The following CFAP99 variants were observed in gnomAD, a reference collection of about 807,000 sequenced individuals.
CFAP99 encodes cilia- and flagella-associated protein 99.
CFAP99 carries 84 observed loss-of-function variants against 82.7 expected under a neutral mutation model. That is an observed-to-expected ratio of 1.02 (90% CI 0.85 to 1.22). The LOEUF (loss-of-function observed/expected upper bound fraction) is 1.22, where lower values mean the gene tolerates loss of function less well. Among genes scored for constraint, CFAP99 ranks in the 50% most tolerant of loss-of-function variants. CFAP99 has a pLI of 0.00. For synonymous variants in CFAP99, 456 were observed against 429.5 expected (o/e 1.06, Z -0.76); for missense variants, 1,059 against 983.5 (o/e 1.08, Z -1.03).
chr4:2,443,175 A>C (rs773157865), exon 5 of CFAP99: 15 of 1,535,752 alleles, frequency 9.8e-6, no homozygotes, highest in Middle Eastern at 1.7e-4. Context: ...CTCATGGATC[A>C]AGGATGAGTG....
At chr4:2,431,692 G>C (rs1733805166) in intron 2 of CFAP99, among the ~76,000 whole-genome samples, 1 of 151,984 alleles carries the variant, frequency 6.6e-6, no homozygotes, top group South Asian at 2.1e-4. Flanking sequence ...CTCATGTGCG[G>C]GCAAAAATTA....
At chr4:2,426,356 C>G in intron 1 of CFAP99, 103 bp from the exon 2 acceptor site, 1 of 724,490 alleles carries the variant, frequency 1.4e-6, no homozygotes, top group Non-Finnish European at 2.4e-6. Flanking sequence ...GGTCTTCCTG[C>G]TGCTACAGGC....
rs1433793232 is a variant in CFAP99 at position 2,446,145 on chromosome 4, C to A, written c.642+837C>A. On this transcript the variant is annotated intron_variant, in intron 6 of 14. Coordinates refer to ENST00000635017, the Ensembl canonical transcript of CFAP99. This position sits in a 1 kb window ranked among gnomAD's most constrained non-coding sequence, Gnocchi z 5.0. ...GCCCCACTCCCACCATCCTTCAGGTCTCATTAAAATCCCTCTTCCCAGAGA... is the reference window on the plus strand; with the variant it reads ...GCCCCACTCCCACCATCCTTCAGGTATCATTAAAATCCCTCTTCCCAGAGA... 1.3e-5 allele frequency among the ~76,000 whole-genome samples: 2 copies of A among 152,196 alleles called. No individual in the cohort carries two copies. The highest frequency in any genetic ancestry group is 2.4e-5 in the African/African-American group (1 of 41,454).
chr4:2,450,131 C>T (rs947368513), intron 8 of CFAP99, 126 bp downstream of exon 8: 8 of 968,846 alleles, frequency 8.3e-6, no homozygotes, highest in Non-Finnish European at 1.2e-5. Context: ...CGGGGAGGGG[C>T]GGATTCCCAG....
At chr4:2,451,274 T>A (rs1734294120) in exon 10 of CFAP99, 2 of 1,535,964 alleles carry the variant, frequency 1.3e-6, no homozygotes, top group Non-Finnish European at 1.7e-6. Flanking sequence ...CCTGACAACA[T>A]CCTGGTCAAG....
exon 10 of CFAP99, chr4:2,451,318 T>C (rs1172487242): frequency 1.4e-5 from 22 of 1,535,952 alleles, no homozygotes; most frequent in Middle Eastern, 1.7e-4. Flanking sequence ...AGAAGGGGCC[T>C]TGTACCAGCG....
intron 11 of CFAP99, among the ~76,000 whole-genome samples, chr4:2,453,571 G>A (rs1734351189): frequency 6.6e-6 from 1 of 152,104 alleles, no homozygotes; most frequent in Non-Finnish European, 1.5e-5. Context: ...AATTTCATGG[G>A]TCAGAAATAG....
At chr4:2,429,936 T>G (rs1373561476) in intron 2 of CFAP99, among the ~76,000 whole-genome samples, 1 of 150,424 alleles carries the variant, frequency 6.6e-6, no homozygotes, top group Non-Finnish European at 1.5e-5. Flanking sequence ...AGAGGAATGG[T>G]GCATTGGATC....
At chr4:2,424,439 G>C (rs368337772) in intron 1 of CFAP99, among the ~76,000 whole-genome samples, 23 of 152,148 alleles carry the variant, frequency 1.5e-4, no homozygotes, top group African/African-American at 5.3e-4. Flanking sequence ...GGCAACAAGA[G>C]CAAAACTCCA....
rs1219406291 is a variant in CFAP99 at position 2,449,751 on chromosome 4, G to A, written c.723+1G>A. 8 of 1,536,116 alleles carry A rather than the reference G, an allele frequency of 5.2e-6. No homozygotes were observed. Among genetic ancestry groups the A allele is most frequent in the Non-Finnish European group, 7.0e-6 (8 of 1,146,930 alleles). ...GAGGTACAACCGCCGAAAGGCCGAG[G>A]TGAGCTGTGTGCGACCCCTGCCTTC... On this transcript the variant is annotated splice_donor_variant, in intron 7 of 14. Transcript: ENST00000635017. LOFTEE classifies it high-confidence loss of function.
intron 14 of CFAP99, among the ~76,000 whole-genome samples, chr4:2,460,586 T>TA (rs1251234567): frequency 1.3e-5 from 2 of 152,326 alleles, no homozygotes; most frequent in Non-Finnish European, 1.5e-5. Context: ...TCAGACACTT[T>TA]AAACACTTCA....
At chr4:2,459,436 A>C (rs542961985) in intron 13 of CFAP99, among the ~76,000 whole-genome samples, 178 bp downstream of exon 13, 10 of 152,320 alleles carry the variant, frequency 6.6e-5, no homozygotes, top group African/African-American at 2.2e-4. Context: ...TCTGGCCCTA[A>C]GAGTTCACAA....
chr4:2,454,445 T>C (rs1252271253), intron 11 of CFAP99, among the ~76,000 whole-genome samples: 1 of 151,958 alleles, frequency 6.6e-6, no homozygotes, highest in Non-Finnish European at 1.5e-5. Context: ...CCTAACATGA[T>C]CTTTTGGAAT....
intron 2 of CFAP99, among the ~76,000 whole-genome samples, chr4:2,431,054 A>G (rs1377011233): frequency 1.3e-5 from 2 of 151,756 alleles, no homozygotes; most frequent in African/African-American, 4.8e-5. Flanking sequence ...CCTGGGCAAC[A>G]GAGTAAGATC....
exon 6 of CFAP99, chr4:2,445,222 G>A: frequency 6.8e-7 from 1 of 1,464,154 alleles, no homozygotes; most frequent in Admixed American, 2.4e-5. Flanking sequence ...CAAGGTCACA[G>A]AGCCCAAGGA....
Position 2,436,932 on chromosome 4 carries a change from AC to A in CFAP99, c.172del (p.Arg58GlyfsTer4). ...GAGGTTCTGTCTGGGTGCCTCGAGT[AC>A]CGGAAGCTGCTGACCGTCGTGGTGG... is the stretch of plus-strand genomic sequence containing the variant. On this transcript the variant is annotated frameshift_variant, in exon 3 of 15. Coordinates refer to ENST00000635017, the Ensembl canonical transcript of CFAP99. LOFTEE classifies it high-confidence loss of function. The A allele has an allele frequency of 6.5e-7, 1 of 1,535,994 alleles. No homozygotes were observed. Among genetic ancestry groups the A allele is most frequent in the Non-Finnish European group, 8.7e-7 (1 of 1,146,852 alleles).
chr4:2,458,689 C>T, intron 11 of CFAP99, 34 bp from the exon 12 acceptor site: 3 of 1,518,118 alleles, frequency 2.0e-6, no homozygotes, highest in Non-Finnish European at 2.6e-6. Context: ...CCGGAGCAGC[C>T]CCACTCACCG....
chr4:2,460,305 T>G, intron 14 of CFAP99, 63 bp downstream of exon 14: 1 of 1,431,622 alleles, frequency 7.0e-7, no homozygotes, highest in Non-Finnish European at 9.5e-7. Flanking sequence ...AAGCCTGCCT[T>G]GCACCCTCCT....
At chr4:2,429,886 C>T (rs1414371013) in intron 2 of CFAP99, among the ~76,000 whole-genome samples, 1 of 152,230 alleles carries the variant, frequency 6.6e-6, no homozygotes, top group African/African-American at 2.4e-5. Flanking sequence ...CCACTGCACC[C>T]AGCCTTTTCA....
Sources: gnomAD v4.1 joint callset for allele counts (sites outside exome capture counted in the v4.1 genomes callset) on GRCh38, gnomAD v4.1.1 for gene constraint, Gnocchi (gnomAD v3.1) non-coding constraint, MANE v1.5 for transcripts, NCBI Gene and HGNC (gene_info 2026-07-23, HGNC 2026-07-21) for gene names.